Variants in PCBP3 observed in about 807,000 individuals in gnomAD.
PCBP3 encodes the protein poly(rC)-binding protein 3.
Under a neutral mutation model 52.7 loss-of-function variants are expected in PCBP3, and 25 were observed. The observed-to-expected ratio is 0.47, with a 90% CI of 0.35 to 0.66. The LOEUF is 0.66. Ranked by LOEUF, PCBP3 falls within the 30% of genes least tolerant of loss-of-function variation. The pLI, the probability that PCBP3 is intolerant of heterozygous loss-of-function variation, is 0.01. For synonymous variants in PCBP3, 162 were observed against 183.0 expected (o/e 0.89, Z 0.93); for missense variants, 391 against 490.3 (o/e 0.80, Z 1.91).
At chr21:45,680,416 A>G (rs1433048291) in intron 2 of PCBP3, among the ~76,000 whole-genome samples, 1 of 152,224 alleles carries the variant, frequency 6.6e-6, no homozygotes, top group Non-Finnish European at 1.5e-5. Context: ...AGTTGTCAGC[A>G]TAAAATTTCT....
intron 4 of PCBP3, among the ~76,000 whole-genome samples, chr21:45,844,708 C>T (rs1468944936): frequency 1.3e-5 from 2 of 151,990 alleles, no homozygotes; most frequent in Non-Finnish European, 2.9e-5. Context: ...ACAAAAGTGG[C>T]AACGTTAGGG....
intron 4 of PCBP3, among the ~76,000 whole-genome samples, chr21:45,824,251 C>T (rs1209638636): frequency 1.3e-5 from 2 of 152,202 alleles, no homozygotes; most frequent in African/African-American, 4.8e-5. Context: ...GATCACATCA[C>T]TGCCCTCAGG....
intron 6 of PCBP3, among the ~76,000 whole-genome samples, chr21:45,897,288 C>G (rs1165302507): frequency 6.6e-6 from 1 of 152,186 alleles, no homozygotes; most frequent in Non-Finnish European, 1.5e-5. Context: ...ACAGCGGCCG[C>G]AAAGCATCCC....
At chr21:45,910,743 G>A (rs1025604374) in intron 10 of PCBP3, among the ~76,000 whole-genome samples, 159 bp from the exon 11 acceptor site, 3 of 152,220 alleles carry the variant, frequency 2.0e-5, no homozygotes, top group Non-Finnish European at 2.9e-5. Flanking sequence ...GGCAGCATGG[G>A]GGCAGTGCTG....
intron 4 of PCBP3, among the ~76,000 whole-genome samples, chr21:45,770,857 C>A (rs1342682300): frequency 2.0e-5 from 3 of 152,244 alleles, no homozygotes; most frequent in African/African-American, 4.8e-5. Context: ...TCACCCACTG[C>A]CTCCATGGCA....
At chr21:45,901,717 G>GAGAC (rs56827471) in intron 9 of PCBP3, 14,243 of 125,734 alleles carry the variant, frequency 0.11, 2,070 homozygotes, top group African/African-American at 0.25. Context: ...AAGACAGAGA[G>GAGAC]AGAGAGATGA....
intron 5 of PCBP3, among the ~76,000 whole-genome samples, chr21:45,892,545 G>A (rs1342567492): frequency 6.7e-6 from 1 of 149,764 alleles, no homozygotes; most frequent in Non-Finnish European, 1.5e-5. Flanking sequence ...TCATGTACCA[G>A]ACCGTGTTCA....
intron 2 of PCBP3, among the ~76,000 whole-genome samples, chr21:45,681,063 A>G (rs1054756541): frequency 3.3e-5 from 5 of 152,162 alleles, no homozygotes; most frequent in African/African-American, 1.2e-4. Context: ...GCAGAGGGCA[A>G]AAAAGGGCCT....
intron 1 of PCBP3, among the ~76,000 whole-genome samples, chr21:45,651,029 C>T (rs1038404950): frequency 1.3e-5 from 2 of 152,120 alleles, no homozygotes; most frequent in African/African-American, 2.4e-5. Flanking sequence ...AGATTCTTCC[C>T]GTCAAGGCTT....
At chr21:45,731,191 G>T (rs1416031197) in intron 2 of PCBP3, among the ~76,000 whole-genome samples, 1 of 152,010 alleles carries the variant, frequency 6.6e-6, no homozygotes, top group East Asian at 1.9e-4. Context: ...CCACACAATG[G>T]GTGGGTTCAA....
intron 1 of PCBP3, among the ~76,000 whole-genome samples, chr21:45,667,960 C>T (rs2080916018): frequency 1.3e-5 from 2 of 152,134 alleles, no homozygotes; most frequent in South Asian, 4.1e-4. Context: ...GTTTAGTGGT[C>T]AGCTAATAAT....
intron 5 of PCBP3, among the ~76,000 whole-genome samples, chr21:45,855,030 A>AG (rs955804727): frequency 6.6e-6 from 1 of 152,168 alleles, no homozygotes; most frequent in African/African-American, 2.4e-5. Flanking sequence ...AGAGCAGGAA[A>AG]GGGGACCCTA....
chr21:45,936,395 C>T (rs946710392), intron 16 of PCBP3, among the ~76,000 whole-genome samples: 1 of 152,226 alleles, frequency 6.6e-6, no homozygotes, highest in Admixed American at 6.5e-5. Context: ...ACAGAGTCCC[C>T]ATGTCTGCTA....
At chr21:45,682,232 C>T (rs1255917469) in intron 2 of PCBP3, among the ~76,000 whole-genome samples, 3 of 152,162 alleles carry the variant, frequency 2.0e-5, no homozygotes, top group Non-Finnish European at 4.4e-5. Context: ...ATTTATGGTA[C>T]TATGAACACC....
intron 4 of PCBP3, among the ~76,000 whole-genome samples, chr21:45,810,508 C>A (rs2092656261): frequency 6.6e-6 from 1 of 152,054 alleles, no homozygotes; most frequent in African/African-American, 2.4e-5. Flanking sequence ...AAGCGATCTT[C>A]CCACCTCGGT....
In PCBP3 at chr21:45,737,138, G is replaced by C. The variant is rs1353851638; in HGVS notation, c.-162+1709G>C. 2.6e-5 allele frequency among the ~76,000 whole-genome samples: 4 copies of C among 152,056 alleles called. No individual in the cohort carries two copies. Among genetic ancestry groups the C allele is most frequent in the African/African-American group, 9.7e-5 (4 of 41,404 alleles). Reference sequence around the variant, plus strand: ...GAGAGTGCCGCGGGTTAGGAGGTGAGGGTGCAGCTGGGGCACATCAGGGGT... The same window carrying C: ...GAGAGTGCCGCGGGTTAGGAGGTGACGGTGCAGCTGGGGCACATCAGGGGT... On this transcript the variant is annotated intron_variant, in intron 3 of 17. Coordinates refer to ENST00000681687, the MANE Select transcript of PCBP3 (RefSeq NM_001384156.1). This position sits in a 1 kb window ranked among gnomAD's most constrained non-coding sequence, Gnocchi z 4.9.
intron 4 of PCBP3, among the ~76,000 whole-genome samples, chr21:45,840,184 G>A (rs534453995): frequency 1.3e-5 from 2 of 151,918 alleles, no homozygotes; most frequent in African/African-American, 4.8e-5. Flanking sequence ...TGGGCACGGT[G>A]GCTCACTCCT....
At chr21:45,776,470 T>TTC (rs142762678) in intron 4 of PCBP3, among the ~76,000 whole-genome samples, 2,257 of 146,838 alleles carry the variant, frequency 0.015, 24 homozygotes, top group Middle Eastern at 0.024. Context: ...GAGTCTCTCT[T>TTC]TCTCTCTCTC....
At chr21:45,836,822 C>T (rs1387947065) in intron 4 of PCBP3, among the ~76,000 whole-genome samples, 1 of 152,084 alleles carries the variant, frequency 6.6e-6, no homozygotes. Flanking sequence ...ACTTCCCAAA[C>T]CTGTTCTGTT....
Sources: gnomAD v4.1 joint callset for allele counts (sites outside exome capture counted in the v4.1 genomes callset) on GRCh38, gnomAD v4.1.1 for gene constraint, Gnocchi (gnomAD v3.1) non-coding constraint, MANE v1.5 for transcripts, NCBI Gene and HGNC (gene_info 2026-07-23, HGNC 2026-07-21) for gene names.